Variants in LEPR observed in about 807,000 individuals in gnomAD.
LEPR encodes OB receptor.
A neutral mutation model predicts 114.7 loss-of-function variants in LEPR; 56 were observed. The observed-to-expected ratio is 0.49, with a 90% CI of 0.39 to 0.61. LEPR has a LOEUF of 0.61. Ranked by LOEUF, LEPR falls within the 20% of genes least tolerant of loss-of-function variation. The probability of loss-of-function intolerance (pLI) is 0.00; values close to 1 mark genes in which losing one functional copy is unlikely to be tolerated. For missense variants in LEPR, 1,202 were observed against 1,352.9 expected (o/e 0.89, Z 1.75); for synonymous variants, 443 against 461.4 (o/e 0.96, Z 0.51).
intron 2 of LEPR, among the ~76,000 whole-genome samples, chr1:65,535,216 G>C (rs1650678906): frequency 6.6e-6 from 1 of 151,662 alleles, no homozygotes; most frequent in Non-Finnish European, 1.5e-5. Flanking sequence ...GTTAATTGTA[G>C]TTGCTGTTAT....
At chr1:65,520,441 A>G (rs1290297745) in intron 2 of LEPR, among the ~76,000 whole-genome samples, 1 of 152,182 alleles carries the variant, frequency 6.6e-6, no homozygotes, top group Non-Finnish European at 1.5e-5. Flanking sequence ...ACATCACTCT[A>G]TTGATCACAT....
chr1:65,553,302 CAG>C (rs1357189571), intron 2 of LEPR, among the ~76,000 whole-genome samples: 5 of 152,156 alleles, frequency 3.3e-5, no homozygotes, highest in African/African-American at 1.2e-4. Flanking sequence ...TAATATCCTG[CAG>C]AGTGTTTTCC....
At chr1:65,547,446 T>G (rs1651847676) in intron 2 of LEPR, among the ~76,000 whole-genome samples, 1 of 151,298 alleles carries the variant, frequency 6.6e-6, no homozygotes, top group African/African-American at 2.4e-5. Context: ...CTGGACTCTT[T>G]TTGGTTGGTA....
At chr1:65,636,107 AC>A (rs1337635592) in intron 19 of LEPR, 83 bp from the exon 20 acceptor site, 3 of 1,458,574 alleles carry the variant, frequency 2.1e-6, no homozygotes, top group Non-Finnish European at 2.9e-6. Context: ...TATTAACTTA[AC>A]ACACTTCCAT....
chr1:65,448,689 A>C (rs998172141), intron 2 of LEPR, among the ~76,000 whole-genome samples: 16 of 152,132 alleles, frequency 1.1e-4, no homozygotes, highest in Admixed American at 1.3e-4. Context: ...TATTAATTCA[A>C]TTTCTTTAAT....
chr1:65,545,793 C>T (rs1326798474), intron 2 of LEPR, among the ~76,000 whole-genome samples: 6 of 151,874 alleles, frequency 4.0e-5, no homozygotes. Flanking sequence ...TTTGGCTGTG[C>T]AGAAGCTCTT....
chr1:65,615,021 A>G (rs1252947163), intron 14 of LEPR, among the ~76,000 whole-genome samples: 2 of 148,874 alleles, frequency 1.3e-5, no homozygotes, highest in East Asian at 3.9e-4. Context: ...ATTAAAACTG[A>G]CATGTTTTTT....
chr1:65,611,635 A>G (rs989494246), intron 14 of LEPR, among the ~76,000 whole-genome samples: 1 of 152,190 alleles, frequency 6.6e-6, no homozygotes, highest in Non-Finnish European at 1.5e-5. Context: ...CCATTGCAAT[A>G]TACTCTAGAA....
intron 2 of LEPR, among the ~76,000 whole-genome samples, chr1:65,544,601 A>G (rs1407884045): frequency 6.6e-6 from 1 of 151,824 alleles, no homozygotes; most frequent in Non-Finnish European, 1.5e-5. Flanking sequence ...TATTATTTTT[A>G]GATATGTTCC....
chr1:65,565,069 A>G (rs764280937), intron 2 of LEPR, among the ~76,000 whole-genome samples: 1 of 152,204 alleles, frequency 6.6e-6, no homozygotes, highest in Non-Finnish European at 1.5e-5. Context: ...TCTTTATTGG[A>G]AATAAATAGG....
chr1:65,463,380 A>G (rs1450315484), intron 2 of LEPR, among the ~76,000 whole-genome samples: 3 of 152,098 alleles, frequency 2.0e-5, no homozygotes, highest in Admixed American at 6.5e-5. Context: ...CCATTGATCT[A>G]TATCTCTGTT....
chr1:65,549,024 C>T (rs1014416803), intron 2 of LEPR, among the ~76,000 whole-genome samples: 16 of 151,596 alleles, frequency 1.1e-4, no homozygotes, highest in Non-Finnish European at 1.5e-5. Flanking sequence ...AATCTCTCAG[C>T]ATTTGCTTGT....
chr1:65,594,823 G>A (rs1312117605), intron 6 of LEPR, among the ~76,000 whole-genome samples: 1 of 151,962 alleles, frequency 6.6e-6, no homozygotes, highest in Non-Finnish European at 1.5e-5. Context: ...GTATGTTGTT[G>A]TAGAAGCCAA....
chr1:65,526,288 C>T (rs1649963263), intron 2 of LEPR: 1 of 985,284 alleles, frequency 1.0e-6, no homozygotes, highest in Non-Finnish European at 1.2e-6. Flanking sequence ...TTTTGTTTCC[C>T]ACCTCCCCCC....
rs752586313 is a variant in LEPR at position 65,601,425 on chromosome 1, G to A, written c.1028G>A (p.Ser343Asn). Residue 343 changes from serine to asparagine, a missense_variant, in exon 9 of 20, where the codon AGT becomes AAT. Physicochemically the swap from Ser to Asn is conservative, Grantham distance 46. Coordinates refer to ENST00000349533, the MANE Select transcript of LEPR (RefSeq NM_002303.6). ...TACTTTCCACCTAAAATTCTGACAAGTGTTGGGTCTAATGTTTCTTTTCAC... is the reference window on the plus strand; with the variant it reads ...TACTTTCCACCTAAAATTCTGACAAATGTTGGGTCTAATGTTTCTTTTCAC... Reference protein sequence around the residue: ...VIYFPPKILTSVGSNVSFHCI... With the variant: ...VIYFPPKILTNVGSNVSFHCI... 4 of 1,613,180 alleles carry A rather than the reference G, an allele frequency of 2.5e-6. No individual in the cohort carries two copies. The highest frequency in any genetic ancestry group is 2.2e-5 in the South Asian group (2 of 91,066).
rs923327685 is a variant in LEPR, at chr1:65,433,989, G to T, written c.-21+8611G>T. The T allele has an allele frequency of 3.0e-6, 3 of 985,204 alleles. No homozygotes were observed. In the African/African-American group the frequency reaches 5.2e-5, roughly 17 times the overall value. The allele number at this position is 985,204 out of a possible 1,614,324, so 61.0% of individuals were successfully genotyped here. A position where few individuals can be genotyped will look rare whatever the true frequency, so the allele number is the denominator to read the frequency against. Reference sequence around the variant, plus strand: ...GGTGTGCAATAGCTTTTCTTTCTAAGATGGCAATAATGATTCATTTCTACT... The same window carrying T: ...GGTGTGCAATAGCTTTTCTTTCTAATATGGCAATAATGATTCATTTCTACT... On this transcript the variant is annotated intron_variant, in intron 2 of 19. Transcript: ENST00000349533.
intron 2 of LEPR, among the ~76,000 whole-genome samples, chr1:65,553,368 T>A (rs1017690985): frequency 5.3e-5 from 8 of 152,174 alleles, no homozygotes; most frequent in Admixed American, 3.9e-4. Context: ...AACATAGGTT[T>A]GGTCTTTTCA....
chr1:65,570,847 A>G, intron 4 of LEPR, 45 bp downstream of exon 4: 1 of 1,449,150 alleles, frequency 6.9e-7, no homozygotes, highest in Non-Finnish European at 9.2e-7. Context: ...ATGTTTTTTA[A>G]TTCTTTGATA....
chr1:65,531,974 G>A (rs1233630479), intron 2 of LEPR, among the ~76,000 whole-genome samples: 1 of 152,194 alleles, frequency 6.6e-6, no homozygotes, highest in Non-Finnish European at 1.5e-5. Context: ...CATTTTTAGT[G>A]TGGATTCACC....
Sources: allele counts gnomAD v4.1 joint callset (sites outside exome capture counted in the v4.1 genomes callset), GRCh38; gene constraint gnomAD v4.1.1; transcripts MANE v1.5; gene names NCBI Gene and HGNC (gene_info 2026-07-23, HGNC 2026-07-21).